Variants in GALK2 observed in about 807,000 individuals in gnomAD.
The protein encoded by GALK2 is N-acetylgalactosamine kinase.
GALK2 carries 36 observed loss-of-function variants against 52.4 expected under a neutral mutation model. That is an observed-to-expected ratio of 0.69 (90% CI 0.53 to 0.91). The LOEUF is 0.91. GALK2 is among the 40% of genes least tolerant of loss of function. The pLI, the probability that GALK2 is intolerant of heterozygous loss-of-function variation, is 0.00. For synonymous variants in GALK2, 176 were observed against 199.1 expected (o/e 0.88, Z 0.98); for missense variants, 579 against 559.1 (o/e 1.04, Z -0.36).
At chr15:49,266,032 C>G (rs529456214) in intron 5 of GALK2, among the ~76,000 whole-genome samples, 1 of 152,196 alleles carries the variant, frequency 6.6e-6, no homozygotes, top group Admixed American at 6.5e-5. Context: ...GACAGTAATT[C>G]TGTCTATTTT....
intron 8 of GALK2, among the ~76,000 whole-genome samples, chr15:49,304,353 C>T (rs1004414810): frequency 1.3e-5 from 2 of 152,170 alleles, no homozygotes; most frequent in African/African-American, 2.4e-5. Flanking sequence ...AGTGGCTTGA[C>T]CAAGCAAAAG....
intron 3 of GALK2, among the ~76,000 whole-genome samples, chr15:49,217,794 CAG>C (rs2089501985): frequency 6.6e-6 from 1 of 152,102 alleles, no homozygotes; most frequent in Non-Finnish European, 1.5e-5. Context: ...GCATATAAAA[CAG>C]AGTCTGGTGC....
At chr15:49,245,434 G>C (rs1202723047) in intron 5 of GALK2, among the ~76,000 whole-genome samples, 1 of 152,044 alleles carries the variant, frequency 6.6e-6, no homozygotes, top group Non-Finnish European at 1.5e-5. Context: ...ATAAAAGATA[G>C]AAGAACTGAA....
At chr15:49,205,180 CT>C (rs35936716) in intron 2 of GALK2, among the ~76,000 whole-genome samples, 51,620 of 151,996 alleles carry the variant, frequency 0.34, 9,342 homozygotes, top group East Asian at 0.58. Flanking sequence ...AATTGTGCCA[CT>C]ATAAACATGC....
intron 5 of GALK2, among the ~76,000 whole-genome samples, chr15:49,251,775 T>C (rs1451931679): frequency 1.3e-5 from 2 of 152,216 alleles, no homozygotes; most frequent in African/African-American, 4.8e-5. Context: ...TATTAAGCTT[T>C]ATTTTTATGC....
At chr15:49,182,024 A>T (rs770560481) in intron 1 of GALK2, among the ~76,000 whole-genome samples, 3 of 152,140 alleles carry the variant, frequency 2.0e-5, no homozygotes, top group Non-Finnish European at 4.4e-5. Context: ...TTTAGTTATT[A>T]TAAAATGTAA....
downstream of GALK2, chr15:49,335,564 C>T (rs1019945933): frequency 8.6e-7 from 1 of 1,160,502 alleles, no homozygotes; most frequent in Non-Finnish European, 1.3e-6. Context: ...GTACCCTTCA[C>T]AGAGGAACCA....
chr15:49,313,661 A>C (rs2036175511), intron 8 of GALK2, among the ~76,000 whole-genome samples: 1 of 152,210 alleles, frequency 6.6e-6, no homozygotes, highest in South Asian at 2.1e-4. Context: ...CAGAGGTTCT[A>C]CTTCATGTGG....
At chr15:49,217,423 T>G in intron 3 of GALK2, 110 bp downstream of exon 3, 1 of 1,107,952 alleles carries the variant, frequency 9.0e-7, no homozygotes, top group Non-Finnish European at 1.3e-6. Flanking sequence ...TATTGATATT[T>G]TGTGTCTGAC....
At chr15:49,285,433 G>T (rs2033236511) in intron 7 of GALK2, among the ~76,000 whole-genome samples, 3 of 152,150 alleles carry the variant, frequency 2.0e-5, no homozygotes, top group African/African-American at 4.8e-5. Flanking sequence ...TTTAAATGTT[G>T]GTGTTCTTCA....
At chr15:49,350,694 T>C (rs2042110449) in intron 3 of GALK2, among the ~76,000 whole-genome samples, 1 of 152,228 alleles carries the variant, frequency 6.6e-6, no homozygotes, top group African/African-American at 2.4e-5. Context: ...TTGACCTTGG[T>C]GGGTCTTCCT....
chr15:49,294,971 G>A (rs1272362548), intron 8 of GALK2, among the ~76,000 whole-genome samples: 2 of 152,158 alleles, frequency 1.3e-5, no homozygotes, highest in Non-Finnish European at 2.9e-5. Flanking sequence ...TGTGCAGTAT[G>A]AGTTAGAAGA....
At chr15:49,223,812 C>T (rs1285084183) in intron 3 of GALK2, among the ~76,000 whole-genome samples, 1 of 151,904 alleles carries the variant, frequency 6.6e-6, no homozygotes, top group African/African-American at 2.4e-5. Context: ...GCGTTGATTC[C>T]ATGTGTTTGC....
At chr15:49,273,967 C>G (rs1189175719) in intron 5 of GALK2, among the ~76,000 whole-genome samples, 1 of 152,118 alleles carries the variant, frequency 6.6e-6, no homozygotes, top group Non-Finnish European at 1.5e-5. Context: ...TTAGGGGACA[C>G]CCAGGACTAG....
Position 49,193,666 on chromosome 15 carries a change from T to C in GALK2, c.54-7496T>C, listed in dbSNP as rs150389143. Reference sequence around the variant, plus strand: ...TTGTGTATGGTGTAAGATATGGATCTAATTTTACCTTTTCCCAGAAGTCTA... The same window carrying C: ...TTGTGTATGGTGTAAGATATGGATCCAATTTTACCTTTTCCCAGAAGTCTA... On this transcript the variant is annotated intron_variant, in intron 1 of 9. Transcript: ENST00000560031. Among the ~76,000 whole-genome samples the C allele has an allele frequency of 1.5e-3, 227 of 152,144 alleles. 3 individuals carry two copies. Among genetic ancestry groups the C allele is most frequent in the Admixed American group, 9.1e-3 (139 of 15,292 alleles).
intron 3 of GALK2, among the ~76,000 whole-genome samples, chr15:49,354,630 A>G (rs2151331390): frequency 6.6e-6 from 1 of 152,340 alleles, no homozygotes. Context: ...CTAGCACAGC[A>G]GTCTGAGATC....
chr15:49,291,754 T>C (rs1271723183), intron 7 of GALK2, among the ~76,000 whole-genome samples: 1 of 152,150 alleles, frequency 6.6e-6, no homozygotes, highest in African/African-American at 2.4e-5. Flanking sequence ...AACATATAGC[T>C]CTACTACCAC....
At chr15:49,269,244 A>T (rs2029982347) in intron 5 of GALK2, among the ~76,000 whole-genome samples, 1 of 152,174 alleles carries the variant, frequency 6.6e-6, no homozygotes, top group South Asian at 2.1e-4. Context: ...GCAAATATAT[A>T]TTTAAAAAGT....
intron 3 of GALK2, among the ~76,000 whole-genome samples, chr15:49,359,802 C>T (rs1361731679): frequency 7.3e-5 from 10 of 137,184 alleles, no homozygotes; most frequent in South Asian, 4.9e-4. Context: ...ATGTTTATTG[C>T]GTCATTATTC....
Sources: gnomAD v4.1 joint callset for allele counts (sites outside exome capture counted in the v4.1 genomes callset) on GRCh38, gnomAD v4.1.1 for gene constraint, MANE v1.5 for transcripts, NCBI Gene and HGNC (gene_info 2026-07-23, HGNC 2026-07-21) for gene names.